GLIPR1: variants seen among roughly 807,000 people sequenced by gnomAD.
GLIPR1 encodes glioma pathogenesis-related protein 1.
In GLIPR1, 38 loss-of-function variants were observed where a neutral mutation model predicts 30.3. The ratio of observed to expected loss-of-function variants is 1.26; its 90% confidence interval spans 0.97 to 1.65. The LOEUF (loss-of-function observed/expected upper bound fraction) is 1.65, where lower values mean the gene tolerates loss of function less well. GLIPR1 is among the 40% of genes most tolerant of loss of function. The pLI is 0.00. For missense variants in GLIPR1, 285 were observed against 326.5 expected (o/e 0.87, Z 0.98); for synonymous variants, 122 against 110.6 (o/e 1.10, Z -0.65).
Position 75,480,872 on chromosome 12 carries a change from A to C in GLIPR1, c.-9A>C, listed in dbSNP as rs375929339. ...CTGCAGCCTCCCAAGGCTCCATGCCAGACAAAGCATGCGTGTCACACTTGC... is the reference window on the plus strand; with the variant it reads ...CTGCAGCCTCCCAAGGCTCCATGCCCGACAAAGCATGCGTGTCACACTTGC... On this transcript the variant is annotated 5_prime_UTR_variant, in exon 1 of 6. Coordinates refer to ENST00000266659, the MANE Select transcript of GLIPR1 (RefSeq NM_006851.3). The C allele has an allele frequency of 1.9e-6, 3 of 1,604,224 alleles. No homozygotes were observed. The highest frequency in any genetic ancestry group is 2.6e-6 in the Non-Finnish European group (3 of 1,173,186).
At chr12:75,497,652 G>A (rs2046359355) in intron 4 of GLIPR1, 1 of 152,156 alleles carries the variant, frequency 6.6e-6, no homozygotes, top group South Asian at 2.1e-4. Context: ...GAGGATAAAA[G>A]CTTTTATTTA....
chr12:75,490,226 C>CACAA (rs2046313838), intron 2 of GLIPR1, among the ~76,000 whole-genome samples, 180 bp from the exon 3 acceptor site: 2 of 150,100 alleles, frequency 1.3e-5, no homozygotes, highest in African/African-American at 2.5e-5. Context: ...CACACACACA[C>CACAA]ACACACACCC....
intron 3 of GLIPR1, 48 bp downstream of exon 3, chr12:75,490,566 G>A (rs11180550): frequency 7.7e-5 from 2 of 26,130 alleles, no homozygotes; most frequent in African/African-American, 9.5e-4. Context: ...CCCCCCCCCC[G>A]CAAAAAAAAA....
At position 75,502,218 on chromosome 12, in the gene GLIPR1, A is replaced by T; in HGVS notation, c.*3240A>T. ...ACCTCCATGGAATACAACCCAGAGT[A>T]GTTCAGGGATATGGCATGGAAGGTC... On this transcript the variant is annotated 3_prime_UTR_variant, in exon 6 of 6. Transcript: ENST00000266659. The T allele has an allele frequency of 2.3e-6, 1 of 436,488 alleles. No individual in the cohort carries two copies. Among genetic ancestry groups the T allele is most frequent in the Non-Finnish European group, 4.1e-6 (1 of 244,622 alleles). The allele number at this position is 436,488 out of a possible 1,614,324, so 27.0% of individuals were successfully genotyped here. A position where few individuals can be genotyped will look rare whatever the true frequency, so the allele number is the denominator to read the frequency against.
intron 4 of GLIPR1, 172 bp from the exon 5 acceptor site, chr12:75,498,522 C>A: frequency 1.9e-6 from 1 of 538,630 alleles, no homozygotes; most frequent in Non-Finnish European, 3.3e-6. Context: ...CTTAAAAATA[C>A]CAAGTTAATT....
Position 75,481,022 on chromosome 12 carries a change from G to A in GLIPR1, c.142G>A (p.Val48Met), listed in dbSNP as rs1340818735. The A allele has an allele frequency of 1.9e-6, 3 of 1,613,602 alleles. No individual in the cohort carries two copies. The African/African-American group carries it at 4.0e-5, about 22-fold the overall frequency. The change falls in exon 1 of 6, where the codon GTG becomes ATG. Residue 48 changes from valine to methionine, a missense_variant. By Grantham distance (21) the Val-to-Met change is conservative. Coordinates refer to ENST00000266659, the MANE Select transcript of GLIPR1 (RefSeq NM_006851.3). ...VRIHNKFRSE[V>M]KPTASDMLYM... ...AATCCATAACAAGTTCCGATCAGAG[G>A]TGAAACCAACAGCCAGTGATATGCT...
At chr12:75,485,474 C>T (rs1446885555) in intron 2 of GLIPR1, among the ~76,000 whole-genome samples, 1 of 152,096 alleles carries the variant, frequency 6.6e-6, no homozygotes, top group Non-Finnish European at 1.5e-5. Flanking sequence ...GATGGCGCTA[C>T]TGATCTTATT....
intron 3 of GLIPR1, chr12:75,492,634 CACTT>C (rs1446226856): frequency 1.3e-5 from 2 of 152,110 alleles, no homozygotes; most frequent in Non-Finnish European, 2.9e-5. Context: ...GGTTTAGACT[CACTT>C]ATCTTCAGAG....
At position 75,490,497 on chromosome 12, in the gene GLIPR1, T is replaced by C. The variant is rs1484384191; in HGVS notation, c.512T>C (p.Phe171Ser). 4.5e-6 allele frequency: 7 copies of C among 1,560,514 alleles called. No homozygotes were observed. The highest frequency in any genetic ancestry group is 6.1e-6 in the Non-Finnish European group (7 of 1,138,282). The change falls in exon 3 of 6, where the codon TTT becomes TCT. Residue 171 changes from phenylalanine (F) to serine (S), a missense_variant. Coordinates refer to ENST00000266659, the MANE Select transcript of GLIPR1 (RefSeq NM_006851.3). ...GACGCTCTTTCCAATGGAGCACATT[T>C]TATATGCAACTACGGACCAGGGTAA... is the stretch of plus-strand genomic sequence containing the variant. ...GFDALSNGAH[F>S]ICNYGPGGNY... is the part of the protein sequence containing the mutation.
At chr12:75,485,364 G>C (rs190417167) in intron 2 of GLIPR1, among the ~76,000 whole-genome samples, 1 of 152,188 alleles carries the variant, frequency 6.6e-6, no homozygotes, top group East Asian at 1.9e-4. Context: ...ACATTCTGTT[G>C]CTGACAGTTC....
At position 75,501,583 on chromosome 12, in the gene GLIPR1, T is replaced by C; in HGVS notation, c.*2605T>C. ...ATTATAAATTATCTCAGCCATCCCT[T>C]GTCCTTAGGATTAGTAATTAATGAA... On this transcript the variant is annotated 3_prime_UTR_variant, in exon 6 of 6. Coordinates refer to ENST00000266659, the MANE Select transcript of GLIPR1 (RefSeq NM_006851.3). 1.6e-6 allele frequency: 1 copy of C among 620,708 alleles called. No individual in the cohort carries two copies. The highest frequency in any genetic ancestry group is 2.8e-6 in the Non-Finnish European group (1 of 359,262). 38.5% of individuals were successfully genotyped at this position (620,708 alleles called of 1,614,324 possible). A position where few individuals can be genotyped will look rare whatever the true frequency, so the allele number is the denominator to read the frequency against.
At position 75,503,178 on chromosome 12, in the gene GLIPR1, A is replaced by G. The variant is rs2279245; in HGVS notation, c.*4200A>G. ...AAAACCCATACGTGAGAGAAGAGGA[A>G]ACAGAAAGGGGTTCTTATCTGGTGG... On this transcript the variant is annotated 3_prime_UTR_variant, in exon 6 of 6. Transcript: ENST00000266659. The G allele has an allele frequency of 0.23, 34,678 of 152,054 alleles. 4,068 individuals are homozygous for G. The highest frequency in any genetic ancestry group is 0.25 in the East Asian group (1,302 of 5,164). 9.4% of individuals were successfully genotyped at this position (152,054 alleles called of 1,614,324 possible).
chr12:75,499,695 CACCAA>C lies in GLIPR1; in HGVS notation c.*719_*723del. Reference sequence around the variant, plus strand: ...ACACTCTTCTATGAACAACCACCACCACCAAAAAAAAAAAAAGCCCTCAGAAAATT... The same window carrying C: ...ACACTCTTCTATGAACAACCACCACCAAAAAAAAAAAGCCCTCAGAAAATT... On this transcript the variant is annotated 3_prime_UTR_variant, in exon 6 of 6. Coordinates refer to ENST00000266659, the MANE Select transcript of GLIPR1 (RefSeq NM_006851.3). The C allele has an allele frequency of 1.1e-5, 7 of 615,296 alleles. No individual in the cohort carries two copies. Among genetic ancestry groups the C allele is most frequent in the South Asian group, 2.8e-5 (1 of 35,908 alleles). 38.1% of individuals were successfully genotyped at this position (615,296 alleles called of 1,614,324 possible).
At position 75,500,085 on chromosome 12, in the gene GLIPR1, G is replaced by A. The variant is rs1697754; in HGVS notation, c.*1107G>A. On this transcript the variant is annotated 3_prime_UTR_variant, in exon 6 of 6. Transcript: ENST00000266659. ...ATTCTTATAATTGAATAATTGAAAGGTGATCACAGTATAAAATATAAAAAC... is the reference window on the plus strand; with the variant it reads ...ATTCTTATAATTGAATAATTGAAAGATGATCACAGTATAAAATATAAAAAC... 0.63 allele frequency: 394,969 copies of A among 625,856 alleles called. 125,218 individuals are homozygous for A. The highest frequency in any genetic ancestry group is 0.68 in the South Asian group (26,999 of 39,646). 38.8% of individuals were successfully genotyped at this position (625,856 alleles called of 1,614,324 possible). A position where few individuals can be genotyped will look rare whatever the true frequency, so the allele number is the denominator to read the frequency against.
At chr12:75,490,234 C>CACACACAA (rs1555239615) in intron 2 of GLIPR1, among the ~76,000 whole-genome samples, 172 bp from the exon 3 acceptor site, 1 of 143,114 alleles carries the variant, frequency 7.0e-6, no homozygotes, top group African/African-American at 2.7e-5. Flanking sequence ...CACACACACA[C>CACACACAA]CCCAATAATG....
chr12:75,499,739 G>A lies in GLIPR1; in HGVS notation c.*761G>A. 6 of 1,207,666 alleles carry A rather than the reference G, an allele frequency of 5.0e-6. No homozygotes were observed. The highest frequency in any genetic ancestry group is 1.7e-5 in the South Asian group (1 of 58,758). The allele number at this position is 1,207,666 out of a possible 1,614,324, so 74.8% of individuals were successfully genotyped here. On this transcript the variant is annotated 3_prime_UTR_variant, in exon 6 of 6. Transcript: ENST00000266659. ...CCTCAGAAAATTTCTCACAAATAAG[G>A]CAACTAATGCCTGATATCTCAAAAT...
In GLIPR1 at chr12:75,481,014, G is replaced by A. The variant is rs777651534; in HGVS notation, c.134G>A (p.Arg45Gln). ...KDCVRIHNKF[R>Q]SEVKPTASDM... Reference sequence around the variant, plus strand: ...TGCGTTCGAATCCATAACAAGTTCCGATCAGAGGTGAAACCAACAGCCAGT... The same window carrying A: ...TGCGTTCGAATCCATAACAAGTTCCAATCAGAGGTGAAACCAACAGCCAGT... Residue 45 changes from arginine (R) to glutamine (Q), a missense_variant, in exon 1 of 6, where the codon CGA becomes CAA. By Grantham distance (43) the Arg-to-Gln change is conservative (BLOSUM62 1). Transcript: ENST00000266659. 3.1e-6 allele frequency: 5 copies of A among 1,613,562 alleles called. No individual in the cohort carries two copies. The highest frequency in any genetic ancestry group is 3.4e-6 in the Non-Finnish European group (4 of 1,179,684).
chr12:75,493,111 A>G (rs576849644), intron 3 of GLIPR1: 41 of 152,284 alleles, frequency 2.7e-4, no homozygotes, highest in African/African-American at 9.4e-4. Context: ...GGGGGGAGGA[A>G]GGCAGTTGCA....
chr12:75,498,945 G>C lies in GLIPR1; in HGVS notation c.768G>C (p.Gln256His), dbSNP rs2046370499. The C allele has an allele frequency of 6.2e-7, 1 of 1,604,000 alleles. No homozygotes were observed. Among genetic ancestry groups the C allele is most frequent in the Non-Finnish European group, 8.5e-7 (1 of 1,175,406 alleles). ...CTGTTATAATTACCATTTTGGTACA[G>C]CACAAGTACCCTAATTTAGTTCTTT... is the stretch of plus-strand genomic sequence containing the variant. ...ILSVIITILV[Q>H]HKYPNLVLLD Residue 256 changes from glutamine to histidine, a missense_variant, in exon 6 of 6, where the codon CAG becomes CAC. By Grantham distance (24) the Gln-to-His change is conservative (BLOSUM62 0). Coordinates refer to ENST00000266659, the MANE Select transcript of GLIPR1 (RefSeq NM_006851.3).
Sources: allele counts gnomAD v4.1 joint callset (sites outside exome capture counted in the v4.1 genomes callset), GRCh38; gene constraint gnomAD v4.1.1; transcripts MANE v1.5; gene names NCBI Gene and HGNC (gene_info 2026-07-23, HGNC 2026-07-21).